Variants in ZNF618 observed in about 807,000 individuals in gnomAD.
The protein encoded by ZNF618 is zinc finger protein 618.
Under a neutral mutation model 103.0 loss-of-function variants are expected in ZNF618, and 34 were observed. The ratio of observed to expected loss-of-function variants is 0.33; its 90% confidence interval spans 0.25 to 0.44. ZNF618 has a LOEUF of 0.44. Among genes scored for constraint, ZNF618 ranks in the 20% least tolerant of loss-of-function variants. ZNF618 has a pLI of 1.00. For synonymous variants in ZNF618, 551 were observed against 542.2 expected, an observed-to-expected ratio of 1.02 and a Z score of -0.23; for missense variants, 1,059 against 1,295.4, an observed-to-expected ratio of 0.82 and a Z score of 2.80.
chr9:113,997,667 C>T (rs562976621), intron 3 of ZNF618, among the ~76,000 whole-genome samples: 1 of 152,360 alleles, frequency 6.6e-6, no homozygotes, highest in East Asian at 1.9e-4. Flanking sequence ...GCCTCTGCTT[C>T]CTCACCCATG....
chr9:113,931,241 G>A (rs1165629239), intron 1 of ZNF618, among the ~76,000 whole-genome samples: 5 of 152,226 alleles, frequency 3.3e-5, no homozygotes, highest in African/African-American at 1.2e-4. Context: ...CACCTGCTGT[G>A]TACTCAGCAT....
intron 9 of ZNF618, among the ~76,000 whole-genome samples, chr9:114,013,722 C>T (rs2133904102): frequency 6.6e-6 from 1 of 152,360 alleles, no homozygotes; most frequent in East Asian, 1.9e-4. Context: ...TGAGCCACCA[C>T]ACCCAGCCAG....
At chr9:113,886,658 G>C (rs1207017005) in intron 1 of ZNF618, among the ~76,000 whole-genome samples, 1 of 152,078 alleles carries the variant, frequency 6.6e-6, no homozygotes, top group African/African-American at 2.4e-5. Flanking sequence ...CTTCCCTGGG[G>C]TGCTACTAGC....
At chr9:113,920,568 A>AT (rs1162104521) in intron 1 of ZNF618, among the ~76,000 whole-genome samples, 17 of 151,938 alleles carry the variant, frequency 1.1e-4, no homozygotes, top group Middle Eastern at 6.8e-3. Flanking sequence ...TGCCTGGCTA[A>AT]TTTTTTTATT....
intron 9 of ZNF618, among the ~76,000 whole-genome samples, chr9:114,010,147 T>A (rs1262688747): frequency 6.6e-6 from 1 of 151,672 alleles, no homozygotes; most frequent in East Asian, 2.0e-4. Context: ...CCGTCACTAC[T>A]AAAATTAGCC....
chr9:113,935,825 T>G (rs1833981743), intron 1 of ZNF618, among the ~76,000 whole-genome samples: 1 of 152,196 alleles, frequency 6.6e-6, no homozygotes, highest in African/African-American at 2.4e-5. Context: ...ATCACATGCC[T>G]GCTTACTTGC....
intron 2 of ZNF618, among the ~76,000 whole-genome samples, chr9:113,984,790 T>C (rs893307527): frequency 6.6e-6 from 1 of 152,222 alleles, no homozygotes; most frequent in Admixed American, 6.5e-5. Flanking sequence ...GAAATGGGAA[T>C]GTCAGCTGCT....
At chr9:114,043,440 G>A (rs866832777) in intron 13 of ZNF618, among the ~76,000 whole-genome samples, 2 of 152,128 alleles carry the variant, frequency 1.3e-5, no homozygotes, top group Admixed American at 1.3e-4. Context: ...ATGTGAAATG[G>A]CATTTCATTG....
At chr9:113,970,295 A>G (rs933340809) in intron 2 of ZNF618, among the ~76,000 whole-genome samples, 1 of 151,994 alleles carries the variant, frequency 6.6e-6, no homozygotes, top group African/African-American at 2.4e-5. Flanking sequence ...CCATGGAAAG[A>G]TATTGACATT....
rs1313169512 is a variant in ZNF618 at position 114,054,540 on chromosome 9, A to AT, written c.*4374dup. The AT allele has an allele frequency of 6.5e-6, 1 of 152,714 alleles. No individual in the cohort carries two copies. Among genetic ancestry groups the AT allele is most frequent in the African/African-American group, 2.4e-5 (1 of 41,456 alleles). The allele number at this position is 152,714 out of a possible 1,614,324, so 9.5% of individuals were successfully genotyped here. A position where few individuals can be genotyped will look rare whatever the true frequency, so the allele number is the denominator to read the frequency against. On this transcript the variant is annotated 3_prime_UTR_variant, in exon 15 of 15. Transcript: ENST00000374126. ...ACAAGAGACTAAGTAAGGTCCGGCT[A>AT]TCCCGTGGAGCCAGTAGTAGGTGGG... is the stretch of plus-strand genomic sequence containing the variant.
At chr9:114,026,615 G>C (rs1843521371) in intron 10 of ZNF618, among the ~76,000 whole-genome samples, 2 of 152,244 alleles carry the variant, frequency 1.3e-5, no homozygotes, top group Non-Finnish European at 2.9e-5. Context: ...TCCTTGCACA[G>C]CCGGCAGACT....
intron 6 of ZNF618, 113 bp from the exon 7 acceptor site, chr9:114,007,237 C>G: frequency 1.2e-6 from 1 of 835,518 alleles, no homozygotes; most frequent in Middle Eastern, 2.3e-4. Flanking sequence ...CCTCCCTCCG[C>G]TAGCCAGACT....
At chr9:114,038,397 G>T (rs745559106) in intron 13 of ZNF618, among the ~76,000 whole-genome samples, 5 of 152,218 alleles carry the variant, frequency 3.3e-5, no homozygotes, top group Non-Finnish European at 7.3e-5. Flanking sequence ...GCTTTGTTCT[G>T]GTTCAGCGCA....
intron 13 of ZNF618, among the ~76,000 whole-genome samples, chr9:114,047,536 CTG>C (rs1489728865): frequency 3.3e-5 from 5 of 152,264 alleles, no homozygotes; most frequent in African/African-American, 9.6e-5. Flanking sequence ...AGCTAGAACT[CTG>C]TGGTTGTGTG....
chr9:114,027,854 AAGG>A (rs1432914286), intron 10 of ZNF618: 1 of 152,636 alleles, frequency 6.6e-6, no homozygotes, highest in Non-Finnish European at 1.5e-5. Context: ...GTCGGTACCA[AAGG>A]GCCCCTGCTT....
intron 4 of ZNF618, 145 bp from the exon 5 acceptor site, chr9:114,001,851 T>A (rs1841240020): frequency 1.4e-6 from 1 of 727,244 alleles, no homozygotes; most frequent in Admixed American, 2.0e-5. Context: ...CCTCGTGACT[T>A]CTAGCTCGGT....
intron 2 of ZNF618, among the ~76,000 whole-genome samples, chr9:113,984,167 A>C (rs1315854462): frequency 6.6e-6 from 1 of 152,214 alleles, no homozygotes; most frequent in African/African-American, 2.4e-5. Context: ...TAGAAGCTAC[A>C]CTGGAATTTC....
intron 1 of ZNF618, among the ~76,000 whole-genome samples, chr9:113,897,356 C>T (rs1395089927): frequency 1.3e-5 from 2 of 152,148 alleles, no homozygotes; most frequent in African/African-American, 2.4e-5. Context: ...AAGATAATTT[C>T]GAGGATACAC....
chr9:113,967,169 G>A (rs1225549361), intron 1 of ZNF618, among the ~76,000 whole-genome samples: 3 of 152,172 alleles, frequency 2.0e-5, no homozygotes, highest in African/African-American at 7.2e-5. Flanking sequence ...GATCCATTTG[G>A]GAGTTAACCA....
Sources: allele counts gnomAD v4.1 joint callset (sites outside exome capture counted in the v4.1 genomes callset), GRCh38; gene constraint gnomAD v4.1.1; transcripts MANE v1.5; gene names NCBI Gene and HGNC (gene_info 2026-07-23, HGNC 2026-07-21).